Variants in PARVB observed in about 807,000 individuals in gnomAD.
PARVB encodes the protein parvin beta.
A neutral mutation model predicts 47.0 loss-of-function variants in PARVB; 46 were observed. The ratio of observed to expected loss-of-function variants is 0.98; its 90% CI spans 0.77 to 1.25. The LOEUF (loss-of-function observed/expected upper bound fraction) is 1.25, where lower values mean the gene tolerates loss of function less well. Ranked by LOEUF, PARVB falls within the 50% of genes most tolerant of loss-of-function variation. PARVB has a pLI of 0.00. For synonymous variants in PARVB, 196 were observed against 196.3 expected (o/e 1.00, Z 0.01); for missense variants, 473 against 471.6 (o/e 1.00, Z -0.03).
At chr22:44,036,749 C>G (rs984361970) in intron 1 of PARVB, among the ~76,000 whole-genome samples, 1 of 152,144 alleles carries the variant, frequency 6.6e-6, no homozygotes, top group Non-Finnish European at 1.5e-5. Context: ...GGGCGGATCA[C>G]TTGAGCTCAG....
At chr22:44,082,866 T>C (rs186947597) in intron 1 of PARVB, among the ~76,000 whole-genome samples, 1 of 152,310 alleles carries the variant, frequency 6.6e-6, no homozygotes, top group East Asian at 1.9e-4. Context: ...GAGCTTTTTT[T>C]ACATTTCTAT....
chr22:44,151,344 A>T (rs1690497536), intron 9 of PARVB, 139 bp from the exon 10 acceptor site: 1 of 661,426 alleles, frequency 1.5e-6, no homozygotes. Context: ...AGTTTGAAAC[A>T]TGGGCTTTTT....
chr22:44,155,032 T>G lies in PARVB; in HGVS notation c.844-2950T>G, dbSNP rs2053899475. ...GTGTGTGTGTGGTTTTTGTAGTCTGTGTGGTGTGTGTGTGTGTGTGTGTGT... is the reference window on the plus strand; with the variant it reads ...GTGTGTGTGTGGTTTTTGTAGTCTGGGTGGTGTGTGTGTGTGTGTGTGTGT... On this transcript the variant is annotated intron_variant, in intron 10 of 12. Transcript: ENST00000338758. The surrounding 1 kb of genome is among the most constrained non-coding windows in gnomAD (Gnocchi z 4.8). Among the ~76,000 whole-genome samples the G allele has an allele frequency of 1.0e-5, 1 of 99,540 alleles. No individual in the cohort carries two copies. The highest frequency in any genetic ancestry group is 4.8e-5 in the African/African-American group (1 of 20,630). 65.3% of individuals were successfully genotyped at this position (99,540 alleles called of 152,430 possible). A position where few individuals can be genotyped will look rare whatever the true frequency, so the allele number is the denominator to read the frequency against.
chr22:44,158,597 G>T (rs961638755), intron 11 of PARVB, among the ~76,000 whole-genome samples: 1 of 152,066 alleles, frequency 6.6e-6, no homozygotes, highest in Non-Finnish European at 1.5e-5. Flanking sequence ...CATTCCTGTG[G>T]ATTGTTTTCT....
chr22:44,091,408 C>T (rs1363498678), intron 1 of PARVB, among the ~76,000 whole-genome samples: 1 of 151,798 alleles, frequency 6.6e-6, no homozygotes, highest in African/African-American at 2.4e-5. Context: ...CAGCCATCAC[C>T]ACCACCCACC....
chr22:44,088,885 CA>C (rs1258069409), intron 1 of PARVB, among the ~76,000 whole-genome samples: 1 of 152,180 alleles, frequency 6.6e-6, no homozygotes, highest in Non-Finnish European at 1.5e-5. Context: ...GGACAGTCAG[CA>C]ATATGGGTTG....
chr22:44,046,924 C>G (rs960443520), intron 1 of PARVB, among the ~76,000 whole-genome samples: 1 of 151,766 alleles, frequency 6.6e-6, no homozygotes, highest in Non-Finnish European at 1.5e-5. Context: ...TTAGCGGGGG[C>G]GTGCATGCAG....
chr22:44,140,122 A>C lies in PARVB; in HGVS notation c.693-2A>C, dbSNP rs774138717. On this transcript the variant is annotated splice_acceptor_variant, in intron 7 of 12. Coordinates refer to ENST00000338758, the MANE Select transcript of PARVB (RefSeq NM_013327.5). LOFTEE classifies it high-confidence loss of function. ...TGGCTCTCTCTGTGTTCTTGTTTGC[A>C]GGATGATGATGGGCCGGTTCGGTAA... is the stretch of plus-strand genomic sequence containing the variant. 1.2e-6 allele frequency: 2 copies of C among 1,613,896 alleles called. No individual in the cohort carries two copies. The highest frequency in any genetic ancestry group is 2.7e-5 in the African/African-American group (2 of 74,836).
At chr22:44,047,289 G>T (rs1327062342) in intron 1 of PARVB, among the ~76,000 whole-genome samples, 1 of 152,172 alleles carries the variant, frequency 6.6e-6, no homozygotes, top group Non-Finnish European at 1.5e-5. Context: ...GAGGAAGGAG[G>T]TGCCATGCTC....
intron 9 of PARVB, chr22:44,148,791 A>G (rs2053741773): frequency 6.6e-6 from 1 of 152,074 alleles, no homozygotes; most frequent in African/African-American, 2.4e-5. Context: ...GACGCATTGT[A>G]TTTTAGTGGA....
At chr22:44,094,184 A>T (rs555909287) in intron 2 of PARVB, among the ~76,000 whole-genome samples, 167 bp downstream of exon 2, 5 of 152,250 alleles carry the variant, frequency 3.3e-5, no homozygotes, top group Admixed American at 1.3e-4. Context: ...AGAAAAGTCC[A>T]TTGGGAAAAG....
chr22:44,038,643 G>T (rs192661496), intron 1 of PARVB, among the ~76,000 whole-genome samples: 5 of 152,090 alleles, frequency 3.3e-5, no homozygotes, highest in African/African-American at 1.2e-4. Flanking sequence ...TTAGCTGGGC[G>T]TGATGGTGTA....
chr22:44,109,102 C>T (rs1440871037), intron 3 of PARVB: 2 of 152,178 alleles, frequency 1.3e-5, no homozygotes, highest in Non-Finnish European at 2.9e-5. Context: ...TTTGTCTCTC[C>T]GAAGAAAATC....
At chr22:44,011,171 G>C (rs1194110502) in intron 2 of PARVB, among the ~76,000 whole-genome samples, 1 of 152,058 alleles carries the variant, frequency 6.6e-6, no homozygotes, top group Non-Finnish European at 1.5e-5. Context: ...ATGGACTCTT[G>C]CTGTGTTGCC....
intron 3 of PARVB, chr22:44,107,464 A>G (rs2052593119): frequency 6.6e-6 from 1 of 152,214 alleles, no homozygotes; most frequent in African/African-American, 2.4e-5. Context: ...CTTAGCACGT[A>G]GCGCCTAAAA....
At chr22:44,011,407 G>A (rs1005451256) in intron 2 of PARVB, among the ~76,000 whole-genome samples, 7 of 152,236 alleles carry the variant, frequency 4.6e-5, no homozygotes, top group South Asian at 2.1e-4. Context: ...GAGGTCAGGC[G>A]TTTGAGACCA....
At chr22:44,050,612 A>G (rs1485683665) in intron 1 of PARVB, among the ~76,000 whole-genome samples, 4 of 152,144 alleles carry the variant, frequency 2.6e-5, no homozygotes, top group African/African-American at 9.7e-5. Context: ...TGCTGGGACT[A>G]CAGGTGTGAG....
At chr22:44,168,488 C>T (rs1237039125) in intron 12 of PARVB, 114 bp from the exon 13 acceptor site, 36 of 732,310 alleles carry the variant, frequency 4.9e-5, no homozygotes, top group Non-Finnish European at 7.0e-5. Context: ...TAAGGGGAAG[C>T]GCTGTGTGTG....
Position 44,151,568 on chromosome 22 carries a change from C to T in PARVB, c.843+17C>T, listed in dbSNP as rs1451091538. On this transcript the variant is annotated intron_variant, in intron 10 of 12. Transcript: ENST00000338758. The stretch of plus-strand genomic sequence containing the variant: ...GAGACCCAGGTATGTGCTGCTTTGG[C>T]TTGAAGGATCCTTTGTCCACCGCCA... 2 of 1,599,082 alleles carry T rather than the reference C, an allele frequency of 1.3e-6. No homozygotes were observed. The highest frequency in any genetic ancestry group is 1.7e-6 in the Non-Finnish European group (2 of 1,166,240).
Sources: gnomAD v4.1 joint callset for allele counts (sites outside exome capture counted in the v4.1 genomes callset) on GRCh38, gnomAD v4.1.1 for gene constraint, Gnocchi (gnomAD v3.1) non-coding constraint, MANE v1.5 for transcripts, NCBI Gene and HGNC (gene_info 2026-07-23, HGNC 2026-07-21) for gene names.